Variants in PTPRN2 observed in about 807,000 individuals in gnomAD.
The protein encoded by PTPRN2 is receptor-type tyrosine-protein phosphatase N2.
Under a neutral mutation model 118.8 loss-of-function variants are expected in PTPRN2, and 74 were observed. That is an observed-to-expected ratio of 0.62 (90% CI 0.52 to 0.76). PTPRN2 has a LOEUF of 0.76. Among genes scored for constraint, PTPRN2 ranks in the 30% least tolerant of loss-of-function variants. PTPRN2 has a pLI of 0.00. For synonymous variants in PTPRN2, 641 were observed against 608.0 expected (o/e 1.05, Z -0.80); for missense variants, 1,481 against 1,394.4 (o/e 1.06, Z -0.99).
At chr7:158,181,709 C>T (rs902094930) in intron 5 of PTPRN2, among the ~76,000 whole-genome samples, 5 of 152,032 alleles carry the variant, frequency 3.3e-5, no homozygotes, top group African/African-American at 1.2e-4. Context: ...TTCATTTCTT[C>T]TAGATTTTCT....
rs748114371 is a variant in PTPRN2 at position 157,540,493 on chromosome 7, G to A, written c.*221C>T. On this transcript the variant is annotated 3_prime_UTR_variant, in exon 23 of 23. Transcript: ENST00000389418. ...TTAAGCAAGTGAAAATTGATGAACC[G>A]ATTCCCCTCCACCCGTAACTGGATT... The A allele has an allele frequency of 3.4e-4, 139 of 407,464 alleles. No homozygotes were observed. The highest frequency in any genetic ancestry group is 5.7e-4 in the Non-Finnish European group (131 of 228,392). The allele number at this position is 407,464 out of a possible 1,614,324, so 25.2% of individuals were successfully genotyped here. A position where few individuals can be genotyped will look rare whatever the true frequency, so the allele number is the denominator to read the frequency against.
Position 158,191,047 on chromosome 7 carries a change from C to G in PTPRN2, c.549+1280G>C, listed in dbSNP as rs6952594. 8.9e-3 allele frequency among the ~76,000 whole-genome samples: 1,353 copies of G among 152,382 alleles called. 23 individuals carry two copies. Among genetic ancestry groups the G allele is most frequent in the African/African-American group, 0.031 (1,282 of 41,596 alleles). ...TGGGGCCAACTTCTGTGGAAACTCA[C>G]CCTGTGGTTCCCACGCTTGGTGCAA... is the stretch of plus-strand genomic sequence containing the variant. On this transcript the variant is annotated intron_variant, in intron 5 of 22. Coordinates refer to ENST00000389418, the MANE Select transcript of PTPRN2 (RefSeq NM_002847.5).
intron 2 of PTPRN2, among the ~76,000 whole-genome samples, chr7:158,462,176 A>G (rs1819056864): frequency 6.9e-6 from 1 of 144,842 alleles, no homozygotes. Context: ...TATATCTCCA[A>G]ATAAAAATAA....
intron 1 of PTPRN2, among the ~76,000 whole-genome samples, chr7:158,567,134 T>C (rs116767976): frequency 0.014 from 2,183 of 152,370 alleles, 51 homozygotes; most frequent in African/African-American, 0.05. Context: ...TCCCTGTGCT[T>C]CTAATTTAAG....
chr7:158,501,525 G>T (rs747319584), intron 1 of PTPRN2, among the ~76,000 whole-genome samples: 1 of 152,170 alleles, frequency 6.6e-6, no homozygotes. Context: ...GCCTTCTTGT[G>T]AATCTTCCAA....
At chr7:158,244,251 A>C (rs1283389099) in intron 3 of PTPRN2, among the ~76,000 whole-genome samples, 1 of 152,024 alleles carries the variant, frequency 6.6e-6, no homozygotes, top group Admixed American at 6.6e-5. Context: ...AAGTGCAGGA[A>C]ACTGACCTTC....
chr7:157,896,813 GT>G (rs1324126562), intron 12 of PTPRN2, among the ~76,000 whole-genome samples: 6 of 152,220 alleles, frequency 3.9e-5, no homozygotes, highest in Admixed American at 1.3e-4. Context: ...CTGTCACCAT[GT>G]CCTGCCTCTT....
intron 9 of PTPRN2, among the ~76,000 whole-genome samples, chr7:158,130,873 G>A (rs796857921): frequency 7.3e-5 from 9 of 123,534 alleles, no homozygotes; most frequent in African/African-American, 1.3e-4. Flanking sequence ...TCATATACAC[G>A]CATGCATATA....
intron 2 of PTPRN2, among the ~76,000 whole-genome samples, chr7:158,431,220 TACACTGGGTATACACTGGGCTC>T (rs1301495097): frequency 7.1e-6 from 1 of 141,036 alleles, no homozygotes; most frequent in African/African-American, 2.7e-5. Flanking sequence ...CACACTGGCT[TACACTGGGTATACACTGGGCTC>T]ACACTGGCTC....
At chr7:157,614,150 G>A in intron 15 of PTPRN2, 1 of 460,340 alleles carries the variant, frequency 2.2e-6, no homozygotes, top group Admixed American at 2.5e-5. Flanking sequence ...GACAGGGGAG[G>A]AAGGGGGAGG....
intron 3 of PTPRN2, among the ~76,000 whole-genome samples, chr7:158,215,999 C>T (rs1827930417): frequency 6.6e-6 from 1 of 152,056 alleles, no homozygotes; most frequent in Admixed American, 6.5e-5. Flanking sequence ...TTATGCTTGA[C>T]AGTTCAATTA....
rs1232349268 is a variant in PTPRN2, at chr7:158,525,876, CCCTCACAGA to C, written c.113-36100_113-36092del. 6.6e-6 allele frequency among the ~76,000 whole-genome samples: 1 copy of C among 152,150 alleles called. No individual in the cohort carries two copies. The highest frequency in any genetic ancestry group is 2.4e-5 in the African/African-American group (1 of 41,436). ...CGATGATACAGGGTGAAGACGCCTC[CCCTCACAGA>C]CCTCAGACCTGTCCCAGAGCCCTGA... On this transcript the variant is annotated intron_variant, in intron 1 of 22. Coordinates refer to ENST00000389418, the MANE Select transcript of PTPRN2 (RefSeq NM_002847.5). This position sits in a 1 kb window ranked among gnomAD's most constrained non-coding sequence, Gnocchi z 4.1.
intron 11 of PTPRN2, among the ~76,000 whole-genome samples, chr7:158,023,298 C>T (rs1233411627): frequency 6.6e-6 from 1 of 152,096 alleles, no homozygotes; most frequent in Admixed American, 6.6e-5. Flanking sequence ...ACAGACAGCT[C>T]TCTCAGACCC....
chr7:158,582,275 T>A (rs574044211), intron 1 of PTPRN2, among the ~76,000 whole-genome samples: 49 of 152,350 alleles, frequency 3.2e-4, no homozygotes, highest in African/African-American at 1.1e-3. Context: ...TTTAGCTGTT[T>A]GCTTTCTCTG....
Position 157,787,365 on chromosome 7 carries a change from G to A in PTPRN2, c.1789-104428C>T, listed in dbSNP as rs893218224. 2.0e-5 allele frequency among the ~76,000 whole-genome samples: 3 copies of A among 152,166 alleles called. No individual in the cohort carries two copies. Among genetic ancestry groups the A allele is most frequent in the Non-Finnish European group, 4.4e-5 (3 of 68,006 alleles). ...GGAAACTGCGACAGGAGGGGGTCTG[G>A]CCTCTGCTGGGAGTGACATCTGAAG... On this transcript the variant is annotated intron_variant, in intron 12 of 22. Transcript: ENST00000389418. This position sits in a 1 kb window ranked among gnomAD's most constrained non-coding sequence, Gnocchi z 5.3.
At chr7:158,215,086 C>T (rs1365344337) in intron 3 of PTPRN2, among the ~76,000 whole-genome samples, 1 of 151,984 alleles carries the variant, frequency 6.6e-6, no homozygotes, top group Non-Finnish European at 1.5e-5. Flanking sequence ...GATTTTAAAC[C>T]AGTTACGATA....
At chr7:158,534,291 G>A (rs1402884283) in intron 1 of PTPRN2, among the ~76,000 whole-genome samples, 1 of 150,492 alleles carries the variant, frequency 6.6e-6, no homozygotes, top group African/African-American at 2.5e-5. Flanking sequence ...ATGGCTGTGG[G>A]TGCAGGTTGT....
At chr7:158,314,736 T>A (rs1401446760) in intron 3 of PTPRN2, among the ~76,000 whole-genome samples, 1 of 152,266 alleles carries the variant, frequency 6.6e-6, no homozygotes, top group Non-Finnish European at 1.5e-5. Flanking sequence ...TGGGCTCAGG[T>A]GACTTGGGCT....
chr7:157,992,736 C>T (rs1352191699), intron 11 of PTPRN2, among the ~76,000 whole-genome samples: 1 of 152,174 alleles, frequency 6.6e-6, no homozygotes, highest in Non-Finnish European at 1.5e-5. Context: ...CCCCAGGCAC[C>T]GTGGCCACAG....
Sources: gnomAD v4.1 joint callset for allele counts (sites outside exome capture counted in the v4.1 genomes callset) on GRCh38, gnomAD v4.1.1 for gene constraint, Gnocchi (gnomAD v3.1) non-coding constraint, MANE v1.5 for transcripts, NCBI Gene and HGNC (gene_info 2026-07-23, HGNC 2026-07-21) for gene names.